The following SAMD3 variants were observed in gnomAD, a reference collection of about 807,000 sequenced individuals.
SAMD3 encodes the protein sterile alpha motif domain-containing protein 3.
A neutral mutation model predicts 58.5 loss-of-function variants in SAMD3; 63 were observed. The ratio of observed to expected loss-of-function variants is 1.08; its 90% confidence interval spans 0.88 to 1.33. SAMD3 has a LOEUF of 1.33. Among genes scored for constraint, SAMD3 ranks in the 40% most tolerant of loss-of-function variants. The pLI, the probability that SAMD3 is intolerant of heterozygous loss-of-function variation, is 0.00. For missense variants in SAMD3, 604 were observed against 608.4 expected (o/e 0.99, Z 0.08); for synonymous variants, 220 against 210.3 (o/e 1.05, Z -0.40).
chr6:130,203,754 C>T (rs934516834), intron 5 of SAMD3, among the ~76,000 whole-genome samples: 2 of 152,196 alleles, frequency 1.3e-5, no homozygotes, highest in African/African-American at 4.8e-5. Flanking sequence ...AGCTCTTGGC[C>T]TGTAGAGGAC....
At chr6:130,359,775 C>T (rs1312136259) in intron 1 of SAMD3, among the ~76,000 whole-genome samples, 2 of 152,182 alleles carry the variant, frequency 1.3e-5, no homozygotes, top group Admixed American at 6.5e-5. Context: ...AAAACTGAAA[C>T]TCTACTCACA....
At chr6:130,264,129 G>A (rs569050562) in intron 2 of SAMD3, among the ~76,000 whole-genome samples, 1 of 152,204 alleles carries the variant, frequency 6.6e-6, no homozygotes, top group Non-Finnish European at 1.5e-5. Context: ...CAGAGGCCCA[G>A]ATTGTCCCCC....
At chr6:130,215,423 A>G in intron 2 of SAMD3, 129 bp from the exon 3 acceptor site, 1 of 1,246,170 alleles carries the variant, frequency 8.0e-7, no homozygotes, top group Non-Finnish European at 1.0e-6. Flanking sequence ...TTTTAAAATT[A>G]CTATTTTTAC....
At chr6:130,262,455 A>G (rs1044631923) in intron 2 of SAMD3, among the ~76,000 whole-genome samples, 6 of 152,050 alleles carry the variant, frequency 3.9e-5, no homozygotes, top group Non-Finnish European at 7.4e-5. Context: ...AAAAAAAAAA[A>G]GGAAATTCCC....
At chr6:130,243,453 C>A (rs1251167404) in intron 2 of SAMD3, among the ~76,000 whole-genome samples, 1 of 152,140 alleles carries the variant, frequency 6.6e-6, no homozygotes, top group Admixed American at 6.5e-5. Flanking sequence ...AGAATTGGAA[C>A]TGACATCTAA....
Position 130,355,058 on chromosome 6 carries a change from A to G in SAMD3, c.-304+10062T>C, listed in dbSNP as rs143397549. Among the ~76,000 whole-genome samples, 802 of 152,302 alleles carry G rather than the reference A, an allele frequency of 5.3e-3. 6 individuals are homozygous for G. The highest frequency in any genetic ancestry group is 0.018 in the African/African-American group (768 of 41,572). Reference sequence around the variant, plus strand: ...TCAGTGATGTGTAGGTTTCCCAGATAAAGTGAACTTCAGAACTTTGCATCC... The same window carrying G: ...TCAGTGATGTGTAGGTTTCCCAGATGAAGTGAACTTCAGAACTTTGCATCC... On this transcript the variant is annotated intron_variant, in intron 1 of 13. Coordinates refer to the SAMD3 transcript ENST00000368134.
intron 2 of SAMD3, among the ~76,000 whole-genome samples, chr6:130,303,881 T>TTG: frequency 6.6e-6 from 1 of 152,354 alleles, no homozygotes; most frequent in Non-Finnish European, 1.5e-5. Flanking sequence ...GTGTTGCAAG[T>TTG]CTATCTTCCA....
chr6:130,322,076 G>A (rs6909986), intron 1 of SAMD3, among the ~76,000 whole-genome samples: 67,969 of 152,050 alleles, frequency 0.45, 17,557 homozygotes, highest in African/African-American at 0.72. Flanking sequence ...TCCAGCCACA[G>A]GGTGAAAATC....
intron 2 of SAMD3, among the ~76,000 whole-genome samples, chr6:130,266,710 G>A (rs112805935): frequency 0.015 from 2,217 of 152,290 alleles, 49 homozygotes; most frequent in African/African-American, 0.051. Flanking sequence ...TACCTGACCA[G>A]TAGGCAGGTA....
intron 2 of SAMD3, among the ~76,000 whole-genome samples, chr6:130,242,014 C>G (rs936188510): frequency 6.6e-6 from 1 of 152,122 alleles, no homozygotes; most frequent in Admixed American, 6.6e-5. Context: ...TAATGTAGCT[C>G]TGAAAATATG....
chr6:130,278,901 A>C (rs1774883331), intron 2 of SAMD3, among the ~76,000 whole-genome samples: 1 of 152,132 alleles, frequency 6.6e-6, no homozygotes, highest in African/African-American at 2.4e-5. Context: ...AGTTACATAG[A>C]CGGTGGGGAG....
intron 2 of SAMD3, among the ~76,000 whole-genome samples, chr6:130,307,824 A>C (rs895280630): frequency 6.6e-6 from 1 of 152,184 alleles, no homozygotes; most frequent in Non-Finnish European, 1.5e-5. Flanking sequence ...CTGGTCTGAG[A>C]GGGTTTAGCA....
In SAMD3 at chr6:130,275,142, T is replaced by A. The variant is rs369532802; in HGVS notation, c.-188+37836A>T. 4.6e-5 allele frequency among the ~76,000 whole-genome samples: 7 copies of A among 152,288 alleles called. 1 individual carries two copies. On this transcript the variant is annotated intron_variant, in intron 2 of 13. Transcript: ENST00000368134. The stretch of plus-strand genomic sequence containing the variant: ...TGCTCATAAATGCCTTAATTCTGTA[T>A]TTTTCTCTTTGATTCCTTGTGGTGT...
At chr6:130,338,764 T>C (rs973756192) in intron 1 of SAMD3, among the ~76,000 whole-genome samples, 1 of 152,232 alleles carries the variant, frequency 6.6e-6, no homozygotes, top group Non-Finnish European at 1.5e-5. Context: ...TTATCCCATT[T>C]GGAATGGGAG....
intron 8 of SAMD3, among the ~76,000 whole-genome samples, chr6:130,168,430 C>T (rs4294018): frequency 0.87 from 132,615 of 151,646 alleles, 58,228 homozygotes; most frequent in East Asian, 0.98. Context: ...TGAAACACCA[C>T]CCAAAAAAAA....
At chr6:130,332,539 A>G (rs1470162587) in intron 1 of SAMD3, among the ~76,000 whole-genome samples, 1 of 152,190 alleles carries the variant, frequency 6.6e-6, no homozygotes, top group Non-Finnish European at 1.5e-5. Context: ...TTTTAGAAGG[A>G]GCACTCAAGT....
chr6:130,365,798 G>A (rs927251641), upstream of SAMD3: 2 of 985,366 alleles, frequency 2.0e-6, no homozygotes, highest in Admixed American at 6.1e-5. Flanking sequence ...GCCGGGACGC[G>A]GATCGGCCGG....
intron 2 of SAMD3, among the ~76,000 whole-genome samples, chr6:130,308,389 TA>T (rs778711482): frequency 1.2e-4 from 18 of 144,814 alleles, no homozygotes; most frequent in African/African-American, 3.7e-4. Context: ...TATTCTATTC[TA>T]TTCTATTCTA....
intron 8 of SAMD3, among the ~76,000 whole-genome samples, chr6:130,163,738 C>G (rs1415163231): frequency 6.6e-6 from 1 of 152,086 alleles, no homozygotes; most frequent in Non-Finnish European, 1.5e-5. Context: ...CATTATGTGT[C>G]AGGCCTAGTA....
Sources: gnomAD v4.1 joint callset for allele counts (sites outside exome capture counted in the v4.1 genomes callset) on GRCh38, gnomAD v4.1.1 for gene constraint, MANE v1.5 for transcripts, NCBI Gene and HGNC (gene_info 2026-07-23, HGNC 2026-07-21) for gene names.